NFATC3: variants seen among roughly 807,000 people sequenced by gnomAD.
NFATC3 encodes nuclear factor of activated T-cells, cytoplasmic 3.
NFATC3 carries 46 observed loss-of-function variants against 98.6 expected under a neutral mutation model. That is an observed-to-expected ratio of 0.47 (90% confidence interval 0.37 to 0.60). NFATC3 has a LOEUF of 0.60. Among genes scored for constraint, NFATC3 ranks in the 20% least tolerant of loss-of-function variants. The pLI, the probability that NFATC3 is intolerant of heterozygous loss-of-function variation, is 0.00. For synonymous variants in NFATC3, 512 were observed against 472.2 expected (o/e 1.08, Z -1.09); for missense variants, 1,256 against 1,295.5 (o/e 0.97, Z 0.47).
intron 1 of NFATC3, among the ~76,000 whole-genome samples, chr16:68,120,690 G>C (rs189580184): frequency 3.3e-5 from 5 of 150,086 alleles, no homozygotes; most frequent in Non-Finnish European, 5.9e-5. Flanking sequence ...GCAAGATTGC[G>C]CCACAGCACT....
chr16:68,179,125 CAT>C (rs1567535882), intron 6 of NFATC3, among the ~76,000 whole-genome samples: 1 of 152,162 alleles, frequency 6.6e-6, no homozygotes, highest in African/African-American at 2.4e-5. Context: ...ACCCTTTCCT[CAT>C]ATTATGAGTT....
rs1333960672 is a variant in NFATC3, at chr16:68,122,121, C to G, written c.238C>G (p.Leu80Val). 1 of 1,614,114 alleles carries G rather than the reference C, an allele frequency of 6.2e-7. No homozygotes were observed. Among genetic ancestry groups the G allele is most frequent in the Admixed American group, 1.7e-5 (1 of 59,996 alleles). The change falls in exon 2 of 10, where the codon CTC becomes GTC. Residue 80 changes from leucine to valine, a missense_variant. By Grantham distance (32) the Leu-to-Val change is conservative. This residue lies in a region of NFATC3 where 464 missense variants were observed against 465.7 expected (regional missense o/e 1.00). Transcript: ENST00000346183. ...TTCTGTTTTGTCACCATCGTTTCAG[C>G]TCCAAAGTCACAAAAACTATGAAGG... ...HSSVLSPSFQ[L>V]QSHKNYEGTC...
intron 1 of NFATC3, among the ~76,000 whole-genome samples, chr16:68,119,426 A>G (rs927427449): frequency 6.6e-6 from 1 of 152,060 alleles, no homozygotes; most frequent in Non-Finnish European, 1.5e-5. Context: ...AGAATGCTCC[A>G]GTGGTTTCCC....
At chr16:68,223,011 C>G (rs1251440627) in intron 9 of NFATC3, among the ~76,000 whole-genome samples, 2 of 152,200 alleles carry the variant, frequency 1.3e-5, no homozygotes, top group African/African-American at 4.8e-5. Context: ...TTTATATTCC[C>G]TCTCTATGTA....
intron 3 of NFATC3, among the ~76,000 whole-genome samples, chr16:68,150,373 T>G (rs575310798): frequency 1.1e-3 from 163 of 150,438 alleles, no homozygotes; most frequent in Non-Finnish European, 2.2e-3. Context: ...AACCAAGAGT[T>G]TAAGACCAGC....
chr16:68,189,028 G>A (rs1294746689), intron 8 of NFATC3, among the ~76,000 whole-genome samples: 1 of 152,074 alleles, frequency 6.6e-6, no homozygotes, highest in African/African-American at 2.4e-5. Flanking sequence ...TCTTTTACAT[G>A]TTGATATCTA....
At chr16:68,127,041 C>T (rs372456199) in intron 3 of NFATC3, among the ~76,000 whole-genome samples, 8 of 151,926 alleles carry the variant, frequency 5.3e-5, no homozygotes, top group Admixed American at 2.0e-4. Context: ...AGTGAAATCC[C>T]GTCTCTACTA....
At chr16:68,164,770 C>A (rs1160474149) in intron 4 of NFATC3, among the ~76,000 whole-genome samples, 1 of 151,870 alleles carries the variant, frequency 6.6e-6, no homozygotes, top group East Asian at 1.9e-4. Context: ...ATCCCAGCTA[C>A]TTGGGAGGCT....
At chr16:68,173,518 G>C (rs987189594) in intron 5 of NFATC3, among the ~76,000 whole-genome samples, 27 of 151,724 alleles carry the variant, frequency 1.8e-4, no homozygotes, top group African/African-American at 6.5e-4. Flanking sequence ...GGTGAGCCGA[G>C]ATCACACCAC....
intron 9 of NFATC3, chr16:68,209,623 G>T: frequency 2.6e-6 from 1 of 380,798 alleles, no homozygotes; most frequent in South Asian, 2.1e-5. Flanking sequence ...CAACTGTGAT[G>T]AGCCTATGTC....
intron 1 of NFATC3, among the ~76,000 whole-genome samples, chr16:68,105,809 T>C (rs1027705582): frequency 1.3e-5 from 2 of 152,174 alleles, no homozygotes; most frequent in Non-Finnish European, 2.9e-5. Context: ...TTTGGTAATC[T>C]CTGTATATCT....
intron 8 of NFATC3, among the ~76,000 whole-genome samples, chr16:68,185,691 G>A (rs996243973): frequency 1.3e-5 from 2 of 151,800 alleles, no homozygotes; most frequent in South Asian, 2.1e-4. Context: ...GTGAAACCCC[G>A]TCTCTACTAA....
intron 9 of NFATC3, among the ~76,000 whole-genome samples, chr16:68,222,283 C>A: frequency 1.4e-5 from 1 of 72,154 alleles, no homozygotes; most frequent in Non-Finnish European, 2.6e-5. Flanking sequence ...AGTGAGACCC[C>A]ATTGCCAAAA....
At chr16:68,155,383 T>C (rs551435176) in intron 3 of NFATC3, among the ~76,000 whole-genome samples, 1 of 152,046 alleles carries the variant, frequency 6.6e-6, no homozygotes, top group East Asian at 1.9e-4. Flanking sequence ...CTGAAAGAAG[T>C]CTCTCCAAGC....
Position 68,222,892 on chromosome 16 carries a change from A to T in NFATC3, c.3107-3458A>T, listed in dbSNP as rs2041920083. 2.0e-5 allele frequency among the ~76,000 whole-genome samples: 3 copies of T among 152,332 alleles called. No individual in the cohort carries two copies. The South Asian group carries it at 6.2e-4, about 32-fold the overall frequency. On this transcript the variant is annotated intron_variant, in intron 9 of 9. Transcript: ENST00000346183. The stretch of plus-strand genomic sequence containing the variant: ...CCATCCTTGTGCTCCCTCTTAGCAC[A>T]AGACTAGCTCGTAGAACCCCCAGAA...
At chr16:68,169,660 G>T (rs1025400748) in intron 5 of NFATC3, among the ~76,000 whole-genome samples, 1 of 151,982 alleles carries the variant, frequency 6.6e-6, no homozygotes, top group African/African-American at 2.4e-5. Context: ...AATAAAATTG[G>T]CCAGGCGCCG....
At chr16:68,217,235 C>T (rs2041671619) in intron 9 of NFATC3, among the ~76,000 whole-genome samples, 1 of 152,024 alleles carries the variant, frequency 6.6e-6, no homozygotes, top group Non-Finnish European at 1.5e-5. Context: ...AGTTTGAGAC[C>T]AGCCTGGGCA....
Position 68,191,475 on chromosome 16 carries a change from A to G in NFATC3, c.2806A>G (p.Ser936Gly). 1 of 1,614,128 alleles carries G rather than the reference A, an allele frequency of 6.2e-7. No homozygotes were observed. The highest frequency in any genetic ancestry group is 8.5e-7 in the Non-Finnish European group (1 of 1,180,034). Reference protein sequence around the residue: ...ASPAASHPLASSPLSGPPSPQ... With the variant: ...ASPAASHPLAGSPLSGPPSPQ... ...CCCAGCAGCTTCTCATCCCTTGGCT[A>G]GTTCACCGCTTTCTGGGCCACCATC... is the stretch of plus-strand genomic sequence containing the variant. Residue 936 changes from serine (S) to glycine (G), a missense_variant, in exon 9 of 10, where the codon AGT becomes GGT. By Grantham distance (56) the Ser-to-Gly change is moderately conservative. Coordinates refer to ENST00000346183, the MANE Select transcript of NFATC3 (RefSeq NM_173165.3).
In NFATC3 at chr16:68,102,374, G is replaced by GAA. The variant is rs71268472; in HGVS notation, c.103+16616_103+16617dup. Among the ~76,000 whole-genome samples, 109 of 30,890 alleles carry GAA rather than the reference G, an allele frequency of 3.5e-3. 13 individuals are homozygous for GAA. The highest frequency in any genetic ancestry group is 0.025 in the Middle Eastern group (1 of 40). 20.3% of individuals were successfully genotyped at this position (30,890 alleles called of 152,430 possible). A position where few individuals can be genotyped will look rare whatever the true frequency, so the allele number is the denominator to read the frequency against. On this transcript the variant is annotated intron_variant, in intron 1 of 9. Transcript: ENST00000346183. ...GTGACAGTGTGAGACTCCATCTCAG[G>GAA]AAAAAAAAAAAAAAAAAAAAAAAAA... is the stretch of plus-strand genomic sequence containing the variant.
Sources: gnomAD v4.1 joint callset for allele counts (sites outside exome capture counted in the v4.1 genomes callset) on GRCh38, gnomAD v4.1.1 for gene constraint, gnomAD v4.1.1 regional missense constraint, MANE v1.5 for transcripts, NCBI Gene and HGNC (gene_info 2026-07-23, HGNC 2026-07-21) for gene names.